The following RNF115 variants were observed in gnomAD, a reference collection of about 807,000 sequenced individuals.
RNF115 encodes E3 ubiquitin-protein ligase RNF115.
In RNF115, 31 loss-of-function variants were observed where a neutral mutation model predicts 39.2. That is an observed-to-expected ratio of 0.79 (90% CI 0.59 to 1.07). RNF115 has a LOEUF of 1.07. Ranked by LOEUF, RNF115 falls within the 50% of genes least tolerant of loss-of-function variation. The pLI, the probability that RNF115 is intolerant of heterozygous loss-of-function variation, is 0.00. For synonymous variants in RNF115, 124 were observed against 131.0 expected (o/e 0.95, Z 0.37); for missense variants, 384 against 381.7 (o/e 1.01, Z -0.05).
intron 3 of RNF115, among the ~76,000 whole-genome samples, chr1:145,780,134 G>A (rs1320297552): frequency 6.6e-6 from 1 of 151,726 alleles, no homozygotes; most frequent in Non-Finnish European, 1.5e-5. Flanking sequence ...AGGCTGAGGT[G>A]AGAGAATCAC....
At chr1:145,808,724 T>C (rs1294271843) in intron 1 of RNF115, among the ~76,000 whole-genome samples, 6 of 152,270 alleles carry the variant, frequency 3.9e-5, no homozygotes, top group African/African-American at 9.6e-5. Flanking sequence ...GGCTAAGATA[T>C]AAAAATTTCT....
At chr1:145,771,281 TCATG>T (rs1269373613) in intron 4 of RNF115, among the ~76,000 whole-genome samples, 2 of 152,228 alleles carry the variant, frequency 1.3e-5, no homozygotes, top group African/African-American at 4.8e-5. Context: ...TCTTTCTTGC[TCATG>T]CATGCTCTCT....
At chr1:145,802,860 TTTACTC>T (rs1649308955) in intron 1 of RNF115, among the ~76,000 whole-genome samples, 1 of 152,132 alleles carries the variant, frequency 6.6e-6, no homozygotes, top group South Asian at 2.1e-4. Flanking sequence ...CCACTATACT[TTTACTC>T]TGATGCTAAG....
chr1:145,754,591 C>A (rs1658228310), intron 4 of RNF115, among the ~76,000 whole-genome samples: 1 of 152,178 alleles, frequency 6.6e-6, no homozygotes. Flanking sequence ...CCCGCCTTGG[C>A]CTCCCAAAGT....
intron 1 of RNF115, among the ~76,000 whole-genome samples, chr1:145,800,357 G>A (rs1553720723): frequency 6.6e-6 from 1 of 152,150 alleles, no homozygotes; most frequent in Non-Finnish European, 1.5e-5. Flanking sequence ...ATTGTGCCCA[G>A]ATGGCCTTCC....
intron 2 of RNF115, among the ~76,000 whole-genome samples, chr1:145,786,487 T>A (rs145527154): frequency 6.6e-5 from 10 of 152,334 alleles, no homozygotes; most frequent in Non-Finnish European, 1.5e-4. Context: ...TTGAGTAAAT[T>A]GCTACCAATA....
intron 1 of RNF115, among the ~76,000 whole-genome samples, chr1:145,797,471 C>T (rs587749926): frequency 2.6e-5 from 4 of 152,244 alleles, no homozygotes; most frequent in African/African-American, 4.8e-5. Flanking sequence ...CCCACACTGT[C>T]GCATATGACA....
At chr1:145,822,331 A>C (rs1553724517) in intron 1 of RNF115, among the ~76,000 whole-genome samples, 8 of 150,082 alleles carry the variant, frequency 5.3e-5, no homozygotes, top group Non-Finnish European at 1.2e-4. Flanking sequence ...AAAAAAGAAA[A>C]AAGAAAAACA....
chr1:145,783,066 T>C (rs1648219903), intron 3 of RNF115, among the ~76,000 whole-genome samples: 1 of 152,188 alleles, frequency 6.6e-6, no homozygotes, highest in South Asian at 2.1e-4. Context: ...TTTCACCATG[T>C]TGGCTAGGCT....
chr1:145,771,711 C>A lies in RNF115; in HGVS notation c.428G>T (p.Gly143Val). The A allele has an allele frequency of 6.2e-7, 1 of 1,612,240 alleles. No individual in the cohort carries two copies. Among genetic ancestry groups the A allele is most frequent in the South Asian group, 1.1e-5 (1 of 90,788 alleles). The change falls in exon 4 of 9, where the codon GGA becomes GTA. Residue 143 changes from glycine to valine, a missense_variant and splice_region_variant. Physicochemically the swap from Gly to Val is moderately radical, Grantham distance 109. Coordinates refer to ENST00000582693, the MANE Select transcript of RNF115 (RefSeq NM_014455.4). Reference sequence around the variant, plus strand: ...AAGAACTTAAAATAAAACAACTCACCCTTCAATAGCTGGAGATCTGTCAGG... The same window carrying A: ...AAGAACTTAAAATAAAACAACTCACACTTCAATAGCTGGAGATCTGTCAGG... ...SRPDRSPAIEGILQHIFAGFF... is the reference protein window; with the variant it reads ...SRPDRSPAIEVILQHIFAGFF...
At chr1:145,795,323 C>T (rs1648922104) in intron 1 of RNF115, among the ~76,000 whole-genome samples, 1 of 152,040 alleles carries the variant, frequency 6.6e-6, no homozygotes, top group Non-Finnish European at 1.5e-5. Context: ...CTGAGAAGAG[C>T]CAAGAACAAA....
intron 1 of RNF115, among the ~76,000 whole-genome samples, chr1:145,816,840 C>T (rs1650016112): frequency 8.0e-6 from 1 of 124,452 alleles, no homozygotes; most frequent in African/African-American, 2.7e-5. Flanking sequence ...ACAACCATAG[C>T]TCACTGTAAC....
chr1:145,771,571 T>G, intron 4 of RNF115, 140 bp downstream of exon 4: 1 of 660,364 alleles, frequency 1.5e-6, no homozygotes, highest in Non-Finnish European at 2.6e-6. Context: ...ACATTCAATT[T>G]AGCTTCACTT....
In RNF115 at chr1:145,767,009, A is replaced by C. The variant is rs1224405424; in HGVS notation, c.428+4702T>G. 1.3e-4 allele frequency among the ~76,000 whole-genome samples: 14 copies of C among 110,208 alleles called. No individual in the cohort carries two copies. The South Asian group carries it at 1.6e-3, about 12-fold the overall frequency. 72.3% of individuals were successfully genotyped at this position (110,208 alleles called of 152,430 possible). On this transcript the variant is annotated intron_variant, in intron 4 of 8. Coordinates refer to ENST00000582693, the MANE Select transcript of RNF115 (RefSeq NM_014455.4). ...GCAGAGGGGCTCCTCACTTCCCAGT[A>C]GGGGTGGCCGGGCAGAGGCGCCCCT...
chr1:145,760,096 C>T (rs1238262860), intron 4 of RNF115, among the ~76,000 whole-genome samples: 2 of 152,088 alleles, frequency 1.3e-5, no homozygotes, highest in African/African-American at 4.8e-5. Flanking sequence ...ACTGTATGCC[C>T]AACATCTGGC....
In RNF115 at chr1:145,823,864, C is replaced by T; in HGVS notation, c.10G>A (p.Ala4Thr). 3 of 1,551,404 alleles carry T rather than the reference C, an allele frequency of 1.9e-6. No homozygotes were observed. The highest frequency in any genetic ancestry group is 2.6e-6 in the Non-Finnish European group (3 of 1,152,374). Residue 4 changes from alanine (A) to threonine (T), a missense_variant, in exon 1 of 9, where the codon GCT becomes ACT. Physicochemically the swap from Ala to Thr is moderately conservative, Grantham distance 58 (BLOSUM62 0). Coordinates refer to ENST00000582693, the MANE Select transcript of RNF115 (RefSeq NM_014455.4). MAE[A>T]SAAGADSGAA... The stretch of plus-strand genomic sequence containing the variant: ...CCCGAGTCCGCCCCGGCCGCCGAAG[C>T]CTCCGCCATTTTTGCCCTCCGCCGC...
chr1:145,801,325 T>C (rs1467473886), intron 1 of RNF115, among the ~76,000 whole-genome samples: 59 of 152,184 alleles, frequency 3.9e-4, no homozygotes, highest in Admixed American at 3.9e-3. Flanking sequence ...TCTCAGCACT[T>C]TGGAAGGCCA....
At chr1:145,747,898 A>T in intron 8 of RNF115, 97 bp downstream of exon 8, 1 of 860,118 alleles carries the variant, frequency 1.2e-6, no homozygotes, top group East Asian at 2.5e-5. Context: ...CCAGGGATTT[A>T]TGGGATAAAA....
At chr1:145,755,040 G>C (rs1418853227) in intron 4 of RNF115, among the ~76,000 whole-genome samples, 4 of 152,054 alleles carry the variant, frequency 2.6e-5, no homozygotes, top group Non-Finnish European at 1.5e-5. Flanking sequence ...GAGGTCAGGA[G>C]TTCGAGACCA....
Sources: gnomAD v4.1 joint callset for allele counts (sites outside exome capture counted in the v4.1 genomes callset) on GRCh38, gnomAD v4.1.1 for gene constraint, MANE v1.5 for transcripts, NCBI Gene and HGNC (gene_info 2026-07-23, HGNC 2026-07-21) for gene names.